Variants in TSPAN15 observed in about 807,000 individuals in gnomAD.
TSPAN15 encodes the protein tetraspanin 15, also known as tetraspanin-15.
In TSPAN15, 20 loss-of-function variants were observed where a neutral mutation model predicts 34.5. The ratio of observed to expected loss-of-function variants is 0.58; its 90% CI spans 0.41 to 0.84. The LOEUF is 0.84. Ranked by LOEUF, TSPAN15 falls within the 40% of genes least tolerant of loss-of-function variation. The pLI is 0.00. For missense variants in TSPAN15, 313 were observed against 386.1 expected, an observed-to-expected ratio of 0.81 and a Z score of 1.59; for synonymous variants, 155 against 153.9, an observed-to-expected ratio of 1.01 and a Z score of -0.05.
At chr10:69,468,502 C>A (rs936416074) in intron 1 of TSPAN15, among the ~76,000 whole-genome samples, 1 of 149,558 alleles carries the variant, frequency 6.7e-6, no homozygotes, top group African/African-American at 2.5e-5. Context: ...TATCAAGCTG[C>A]GATAGAGGAA....
At position 69,506,761 on chromosome 10, in the gene TSPAN15, C is replaced by A; in HGVS notation, c.736-68C>A. ...GACTGGCTGCTTGGGTTTCTGGGAG[C>A]CGGGAGCTGCAGGGAGGGCTGCCCT... On this transcript the variant is annotated intron_variant, in intron 7 of 7. Transcript: ENST00000373290. This position sits in a 1 kb window ranked among gnomAD's most constrained non-coding sequence, Gnocchi z 4.7. 6.7e-7 allele frequency: 1 copy of A among 1,499,652 alleles called. No individual in the cohort carries two copies. Among genetic ancestry groups the A allele is most frequent in the Non-Finnish European group, 9.1e-7 (1 of 1,104,862 alleles). 92.9% of individuals were successfully genotyped at this position (1,499,652 alleles called of 1,614,324 possible). A position where few individuals can be genotyped will look rare whatever the true frequency, so the allele number is the denominator to read the frequency against.
At chr10:69,542,534 A>G in the TSPAN15 span, among the ~76,000 whole-genome samples, 1 of 152,232 alleles carries the variant, frequency 6.6e-6, no homozygotes, top group Non-Finnish European at 1.5e-5. Context: ...TGAAGGAAAG[A>G]GGTTTAATTG....
chr10:69,507,345 T>G lies in TSPAN15; in HGVS notation c.*367T>G. The G allele has an allele frequency of 8.3e-7, 1 of 1,210,508 alleles. No homozygotes were observed. The highest frequency in any genetic ancestry group is 1.0e-6 in the Non-Finnish European group (1 of 957,540). 75.0% of individuals were successfully genotyped at this position (1,210,508 alleles called of 1,614,324 possible). ...ATTCAAGGCAGTTTTGTAGCACCTGTAATTGGGGAGAGGGAGTGTGCCCCT... is the reference window on the plus strand; with the variant it reads ...ATTCAAGGCAGTTTTGTAGCACCTGGAATTGGGGAGAGGGAGTGTGCCCCT... On this transcript the variant is annotated 3_prime_UTR_variant, in exon 8 of 8. Coordinates refer to ENST00000373290, the MANE Select transcript of TSPAN15 (RefSeq NM_012339.5).
At chr10:69,524,178 A>G in the TSPAN15 span, among the ~76,000 whole-genome samples, 2 of 147,946 alleles carry the variant, frequency 1.4e-5, 1 homozygote, top group Non-Finnish European at 3.0e-5. Flanking sequence ...GTATCCATAG[A>G]TCAAATCCAG....
chr10:69,527,295 T>C, the TSPAN15 span, among the ~76,000 whole-genome samples: 25 of 147,882 alleles, frequency 1.7e-4, no homozygotes, highest in African/African-American at 6.1e-4. Flanking sequence ...GCTGATGAGC[T>C]AAAAAATTTA....
At chr10:69,530,791 T>C in the TSPAN15 span, among the ~76,000 whole-genome samples, 2 of 55,784 alleles carry the variant, frequency 3.6e-5, no homozygotes, top group African/African-American at 6.7e-5. Context: ...TCTCTCTCTC[T>C]CTCTCTCTCT....
intron 1 of TSPAN15, among the ~76,000 whole-genome samples, chr10:69,456,213 G>C (rs1329695400): frequency 1.3e-5 from 2 of 151,298 alleles, no homozygotes; most frequent in African/African-American, 4.9e-5. Context: ...TCAGCCTCCC[G>C]AGTAGCTAGG....
the TSPAN15 span, among the ~76,000 whole-genome samples, chr10:69,539,486 AG>A: frequency 1.8e-5 from 1 of 54,692 alleles, no homozygotes. Flanking sequence ...GAGAAGGAGA[AG>A]AAGAAGAAGA....
chr10:69,507,666 T>G lies in TSPAN15; in HGVS notation c.*688T>G, dbSNP rs558173379. ...ATAAAAACATGTTTTTTTTTTTTTTTTTTTTTTGCCTTTCCTGTGTGCTGT... is the reference window on the plus strand; with the variant it reads ...ATAAAAACATGTTTTTTTTTTTTTTGTTTTTTTGCCTTTCCTGTGTGCTGT... On this transcript the variant is annotated 3_prime_UTR_variant, in exon 8 of 8. Coordinates refer to ENST00000373290, the MANE Select transcript of TSPAN15 (RefSeq NM_012339.5). The G allele has an allele frequency of 2.7e-3, 3,410 of 1,272,504 alleles. 16 individuals are homozygous for G. The highest frequency in any genetic ancestry group is 3.2e-3 in the Non-Finnish European group (3,159 of 982,218). The allele number at this position is 1,272,504 out of a possible 1,614,324, so 78.8% of individuals were successfully genotyped here.
At chr10:69,545,381 G>A in the TSPAN15 span, among the ~76,000 whole-genome samples, 1 of 152,150 alleles carries the variant, frequency 6.6e-6, no homozygotes, top group Non-Finnish European at 1.5e-5. Flanking sequence ...AGGAGAGGAG[G>A]CTACGGAAAT....
chr10:69,481,298 C>CATCCTTCTAGACTGGGGGGAAAGGT (rs1187295972), intron 1 of TSPAN15, among the ~76,000 whole-genome samples: 1 of 152,186 alleles, frequency 6.6e-6, no homozygotes. Flanking sequence ...GTTGGAAAGG[C>CATCCTTCTAGACTGGGGGGAAAGGT]ATCCTTCTAG....
chr10:69,503,684 A>C (rs1842257784), intron 5 of TSPAN15, among the ~76,000 whole-genome samples: 1 of 152,036 alleles, frequency 6.6e-6, no homozygotes, highest in Non-Finnish European at 1.5e-5. Context: ...TTACATGTAG[A>C]GCAGCGGGGC....
chr10:69,545,279 G>A, the TSPAN15 span, among the ~76,000 whole-genome samples: 1 of 152,168 alleles, frequency 6.6e-6, no homozygotes, highest in African/African-American at 2.4e-5. Context: ...ACTCAGATTT[G>A]TGTCCAAAAG....
In TSPAN15 at chr10:69,462,526, A is replaced by G. The variant is rs931049018; in HGVS notation, c.96+10836A>G. 5.3e-5 allele frequency among the ~76,000 whole-genome samples: 8 copies of G among 151,080 alleles called. No individual in the cohort carries two copies. In the East Asian group the frequency reaches 6.0e-4, roughly 11 times the overall value. The stretch of plus-strand genomic sequence containing the variant: ...AATTTTTTGTATTTTTAGTAGAGAC[A>G]GGGTTTCACCATGTTAGCCAGGATG... On this transcript the variant is annotated intron_variant, in intron 1 of 7. Coordinates refer to ENST00000373290, the MANE Select transcript of TSPAN15 (RefSeq NM_012339.5).
At chr10:69,496,636 C>T (rs866835367) in intron 4 of TSPAN15, among the ~76,000 whole-genome samples, 5 of 152,248 alleles carry the variant, frequency 3.3e-5, no homozygotes, top group South Asian at 2.1e-4. Context: ...CCCACTCAGC[C>T]GGGACAGCAC....
chr10:69,505,078 G>A (rs1314187982), intron 6 of TSPAN15, among the ~76,000 whole-genome samples: 1 of 152,196 alleles, frequency 6.6e-6, no homozygotes, highest in Non-Finnish European at 1.5e-5. Flanking sequence ...ACACATGCTT[G>A]AGAGCCATAG....
Position 69,506,817 on chromosome 10 carries a change from C to T in TSPAN15, c.736-12C>T, listed in dbSNP as rs1341844235. 1.9e-6 allele frequency: 3 copies of T among 1,568,352 alleles called. No homozygotes were observed. Among genetic ancestry groups the T allele is most frequent in the African/African-American group, 1.3e-5 (1 of 74,130 alleles). On this transcript the variant is annotated splice_polypyrimidine_tract_variant and intron_variant, in intron 7 of 7. Transcript: ENST00000373290. The surrounding 1 kb of genome is among the most constrained non-coding windows in gnomAD (Gnocchi z 4.7). ...CCAGCAGGCCCTCACCAGCCCTGCC[C>T]CTTCTTCTCAGTTCCTGGGGGTGCT...
At chr10:69,514,112 AGATGTTG>A in the TSPAN15 span, among the ~76,000 whole-genome samples, 1 of 152,356 alleles carries the variant, frequency 6.6e-6, no homozygotes, top group East Asian at 1.9e-4. Context: ...TGTTGGGACT[AGATGTTG>A]GATTTTGTCA....
chr10:69,497,879 G>A (rs902543261), intron 4 of TSPAN15, among the ~76,000 whole-genome samples: 8 of 152,186 alleles, frequency 5.3e-5, no homozygotes, highest in Non-Finnish European at 1.2e-4. Flanking sequence ...GCGAAGGTTG[G>A]TTGAGGTGCA....
Sources: allele counts gnomAD v4.1 joint callset (sites outside exome capture counted in the v4.1 genomes callset), GRCh38; gene constraint gnomAD v4.1.1; non-coding constraint Gnocchi (gnomAD v3.1); transcripts MANE v1.5; gene names NCBI Gene and HGNC (gene_info 2026-07-23, HGNC 2026-07-21).